The following KCNB2 variants were observed in gnomAD, a reference collection of about 807,000 sequenced individuals.
KCNB2 encodes the protein delayed rectifier potassium channel protein.
A neutral mutation model predicts 61.5 loss-of-function variants in KCNB2; 15 were observed. That is an observed-to-expected ratio of 0.24 (90% CI 0.16 to 0.38). The LOEUF is 0.38. Ranked by LOEUF, KCNB2 falls within the 10% of genes least tolerant of loss-of-function variation. The probability of loss-of-function intolerance (pLI) is 1.00; values close to 1 mark genes in which losing one functional copy is unlikely to be tolerated. For synonymous variants in KCNB2, 457 were observed against 446.0 expected, an observed-to-expected ratio of 1.02 and a Z score of -0.31; for missense variants, 828 against 1,125.2, an observed-to-expected ratio of 0.74 and a Z score of 3.78.
intron 2 of KCNB2, among the ~76,000 whole-genome samples, chr8:72,594,792 C>T (rs1807160581): frequency 6.6e-6 from 1 of 152,196 alleles, no homozygotes; most frequent in Non-Finnish European, 1.5e-5. Context: ...GACTTACTCT[C>T]TTTTTAAAAC....
intron 2 of KCNB2, among the ~76,000 whole-genome samples, chr8:72,723,720 G>A (rs1807588023): frequency 6.6e-6 from 1 of 152,082 alleles, no homozygotes; most frequent in Admixed American, 6.5e-5. Flanking sequence ...CAAAAGGCCC[G>A]GTGTGGTCAT....
At chr8:72,917,999 C>T (rs1484869902) in intron 2 of KCNB2, among the ~76,000 whole-genome samples, 1 of 152,178 alleles carries the variant, frequency 6.6e-6, no homozygotes, top group African/African-American at 2.4e-5. Context: ...GTAAATAAAA[C>T]TTGCCCCACA....
intron 1 of KCNB2, among the ~76,000 whole-genome samples, chr8:72,541,060 T>C (rs1237246965): frequency 6.6e-6 from 1 of 151,930 alleles, no homozygotes; most frequent in Non-Finnish European, 1.5e-5. Context: ...AGATCTCTTT[T>C]ATACAGAAAT....
chr8:72,673,488 G>A (rs543547809), intron 2 of KCNB2, among the ~76,000 whole-genome samples: 7 of 152,308 alleles, frequency 4.6e-5, no homozygotes, highest in African/African-American at 1.7e-4. Flanking sequence ...CCCCAGCCAT[G>A]AGGAACTGTG....
intron 2 of KCNB2, among the ~76,000 whole-genome samples, chr8:72,851,840 A>AAAAAAAAAAAAAAAAAAAAAC (rs1554538995): frequency 5.2e-5 from 7 of 134,458 alleles, no homozygotes; most frequent in African/African-American, 1.5e-4. Flanking sequence ...AAAAAAAAAA[A>AAAAAAAAAAAAAAAAAAAAAC]AAAAAAAACA....
rs143824272 is a variant in KCNB2, at chr8:72,786,800, A to T, written c.580-149135A>T. 6.8e-4 allele frequency among the ~76,000 whole-genome samples: 103 copies of T among 152,304 alleles called. 1 individual carries two copies. The highest frequency in any genetic ancestry group is 2.4e-3 in the African/African-American group (98 of 41,572). ...CAGTCTTTAAAGGCACTGTAATAAAAATGGGTGAGAATAATAATCATTGGA... is the reference window on the plus strand; with the variant it reads ...CAGTCTTTAAAGGCACTGTAATAAATATGGGTGAGAATAATAATCATTGGA... On this transcript the variant is annotated intron_variant, in intron 2 of 2. Coordinates refer to ENST00000523207, the MANE Select transcript of KCNB2 (RefSeq NM_004770.3).
intron 2 of KCNB2, among the ~76,000 whole-genome samples, chr8:72,698,317 A>G (rs1375130732): frequency 3.3e-5 from 5 of 152,070 alleles, no homozygotes; most frequent in African/African-American, 9.7e-5. Context: ...ACCAAGGAAG[A>G]TCTCTAAAAG....
At chr8:72,674,365 A>G (rs1333126272) in intron 2 of KCNB2, among the ~76,000 whole-genome samples, 1 of 152,230 alleles carries the variant, frequency 6.6e-6, no homozygotes, top group African/African-American at 2.4e-5. Flanking sequence ...TGTTAACAAC[A>G]TTTAAAGTTG....
At chr8:72,779,691 G>A (rs1481126716) in intron 2 of KCNB2, among the ~76,000 whole-genome samples, 1 of 151,982 alleles carries the variant, frequency 6.6e-6, no homozygotes, top group Non-Finnish European at 1.5e-5. Flanking sequence ...AAAGCAACTT[G>A]TCAATTTTAG....
intron 2 of KCNB2, among the ~76,000 whole-genome samples, chr8:72,914,345 G>A (rs1051061909): frequency 3.9e-5 from 6 of 152,160 alleles, no homozygotes; most frequent in African/African-American, 1.2e-4. Context: ...TGAAATTTAG[G>A]AGAAAATAAA....
chr8:72,769,524 C>T (rs1186756032), intron 2 of KCNB2, among the ~76,000 whole-genome samples: 1 of 152,142 alleles, frequency 6.6e-6, no homozygotes, highest in Non-Finnish European at 1.5e-5. Context: ...AATTTGAGCT[C>T]AGCTTGGAAG....
At chr8:72,725,299 G>A (rs1807614080) in intron 2 of KCNB2, among the ~76,000 whole-genome samples, 1 of 151,516 alleles carries the variant, frequency 6.6e-6, no homozygotes, top group Non-Finnish European at 1.5e-5. Flanking sequence ...ATTTGTAACA[G>A]TTCTAGGCAT....
intron 2 of KCNB2, among the ~76,000 whole-genome samples, chr8:72,670,364 A>G (rs1806544137): frequency 6.6e-6 from 1 of 152,208 alleles, no homozygotes. Flanking sequence ...TCTGATAGAA[A>G]GTTTTGGGGT....
chr8:72,683,279 G>C (rs1806794146), intron 2 of KCNB2, among the ~76,000 whole-genome samples: 2 of 152,166 alleles, frequency 1.3e-5, no homozygotes, highest in South Asian at 4.2e-4. Context: ...CCCCTTCAAA[G>C]GTTTTGATTA....
chr8:72,636,158 A>T (rs1805962981), intron 2 of KCNB2, among the ~76,000 whole-genome samples: 1 of 152,090 alleles, frequency 6.6e-6, no homozygotes, highest in Non-Finnish European at 1.5e-5. Context: ...TTTTTCATAG[A>T]TTTAGGTCTA....
intron 2 of KCNB2, among the ~76,000 whole-genome samples, chr8:72,759,889 T>C (rs979681292): frequency 1.2e-4 from 18 of 152,076 alleles, no homozygotes; most frequent in African/African-American, 4.1e-4. Context: ...GAGATCAGAG[T>C]CAAGGTCGGG....
chr8:72,667,006 T>TGTGTGTGTGAGA (rs141712140), intron 2 of KCNB2, among the ~76,000 whole-genome samples: 85 of 147,932 alleles, frequency 5.7e-4, no homozygotes, highest in African/African-American at 2.1e-3. Context: ...TGTGTGTGTG[T>TGTGTGTGTGAGA]GAGAGAGAGA....
chr8:72,742,524 G>A (rs533530858), intron 2 of KCNB2, among the ~76,000 whole-genome samples: 24 of 152,250 alleles, frequency 1.6e-4, no homozygotes, highest in East Asian at 1.9e-4. Context: ...AGAGCCACAG[G>A]CAGAATACGC....
chr8:72,919,342 T>C (rs1002642666), intron 2 of KCNB2, among the ~76,000 whole-genome samples: 5 of 152,126 alleles, frequency 3.3e-5, no homozygotes, highest in African/African-American at 1.2e-4. Flanking sequence ...AAAGAGCCCC[T>C]AGGCTCCTGA....
Sources: allele counts gnomAD v4.1 joint callset (sites outside exome capture counted in the v4.1 genomes callset), GRCh38; gene constraint gnomAD v4.1.1; transcripts MANE v1.5; gene names NCBI Gene and HGNC (gene_info 2026-07-23, HGNC 2026-07-21).